The following EDAR variants were observed in gnomAD, a reference collection of about 807,000 sequenced individuals.
EDAR encodes ectodysplasin A receptor, also known as tumor necrosis factor receptor superfamily member EDAR.
EDAR carries 38 observed loss-of-function variants against 51.3 expected under a neutral mutation model. That is an observed-to-expected ratio of 0.74 (90% confidence interval 0.57 to 0.97). The LOEUF (loss-of-function observed/expected upper bound fraction) is 0.97, where lower values mean the gene tolerates loss of function less well. Among genes scored for constraint, EDAR ranks in the 50% least tolerant of loss-of-function variants. EDAR has a pLI of 0.00. For missense variants in EDAR, 528 were observed against 595.0 expected, an observed-to-expected ratio of 0.89 and a Z score of 1.17; for synonymous variants, 227 against 242.1, an observed-to-expected ratio of 0.94 and a Z score of 0.58.
intron 11 of EDAR, among the ~76,000 whole-genome samples, chr2:108,897,932 TGGTG>T (rs1175885622): frequency 2.0e-5 from 3 of 152,072 alleles, no homozygotes; most frequent in Non-Finnish European, 4.4e-5. Flanking sequence ...TACCTTAGGA[TGGTG>T]ATGGTGGTAA....
chr2:108,913,938 C>T (rs1281721325), intron 5 of EDAR, among the ~76,000 whole-genome samples: 16 of 95,132 alleles, frequency 1.7e-4, no homozygotes, highest in Non-Finnish European at 2.8e-4. Flanking sequence ...TGACACAGTG[C>T]GATTCCGTCT....
At chr2:108,910,140 T>A (rs1159435981) in intron 9 of EDAR, among the ~76,000 whole-genome samples, 2 of 152,174 alleles carry the variant, frequency 1.3e-5, no homozygotes, top group Non-Finnish European at 2.9e-5. Flanking sequence ...CAGGCATGCA[T>A]CCTTGGCTTT....
At chr2:108,923,319 G>A in intron 5 of EDAR, 49 bp downstream of exon 5, 1 of 1,564,332 alleles carries the variant, frequency 6.4e-7, no homozygotes, top group Non-Finnish European at 8.8e-7. Context: ...TAGTGAAAGG[G>A]ATCCGTGCTG....
Position 108,920,245 on chromosome 2 carries a change from G to A in EDAR, c.442+3123C>T, listed in dbSNP as rs147819552. On this transcript the variant is annotated intron_variant, in intron 5 of 11. Transcript: ENST00000258443. ...TAAGCACTCCACATGCATCGCCCAC[G>A]TCATCACATCTTTCCTCCCAACAAT... Among the ~76,000 whole-genome samples the A allele has an allele frequency of 3.7e-3, 566 of 152,312 alleles. 2 individuals are homozygous for A. The highest frequency in any genetic ancestry group is 6.8e-3 in the Middle Eastern group (2 of 294).
chr2:108,905,692 G>A (rs1028246925), intron 11 of EDAR, among the ~76,000 whole-genome samples: 10 of 152,172 alleles, frequency 6.6e-5, no homozygotes, highest in Admixed American at 2.0e-4. Context: ...TTATCTTTGG[G>A]GTTAATAAGA....
chr2:108,911,848 G>A (rs551000070), intron 6 of EDAR, among the ~76,000 whole-genome samples: 1 of 152,328 alleles, frequency 6.6e-6, no homozygotes, highest in African/African-American at 2.4e-5. Context: ...TGTGGGCGCT[G>A]AGCCTCCCCT....
At chr2:108,935,135 C>A (rs1412878412) in intron 1 of EDAR, among the ~76,000 whole-genome samples, 1 of 152,166 alleles carries the variant, frequency 6.6e-6, no homozygotes, top group African/African-American at 2.4e-5. Context: ...AAAAGGTCTG[C>A]CACTCCTGCC....
intron 1 of EDAR, among the ~76,000 whole-genome samples, chr2:108,951,450 G>A (rs1246318777): frequency 1.1e-4 from 16 of 152,298 alleles, no homozygotes; most frequent in South Asian, 6.2e-4. Flanking sequence ...GTACTAGCAC[G>A]TAGTGAACTC....
Position 108,910,866 on chromosome 2 carries a change from G to T in EDAR, c.656-16C>A, listed in dbSNP as rs775893324. Reference sequence around the variant, plus strand: ...GTGCAACAGGCTGGGGAGAGAGGAGGGAGTGAGCAGCCAGGCTCTCCGACA... The same window carrying T: ...GTGCAACAGGCTGGGGAGAGAGGAGTGAGTGAGCAGCCAGGCTCTCCGACA... On this transcript the variant is annotated splice_polypyrimidine_tract_variant and intron_variant, in intron 7 of 11. Transcript: ENST00000258443. The T allele has an allele frequency of 3.1e-6, 5 of 1,614,082 alleles. No individual in the cohort carries two copies. The highest frequency in any genetic ancestry group is 1.7e-5 in the Admixed American group (1 of 60,028).
chr2:108,899,114 T>G (rs540006760), intron 11 of EDAR, among the ~76,000 whole-genome samples: 43 of 152,342 alleles, frequency 2.8e-4, no homozygotes, highest in African/African-American at 9.6e-4. Flanking sequence ...TATATTCATG[T>G]CAAGATACAT....
At chr2:108,985,720 G>T (rs1251864852) in intron 1 of EDAR, among the ~76,000 whole-genome samples, 1 of 152,150 alleles carries the variant, frequency 6.6e-6, no homozygotes, top group Non-Finnish European at 1.5e-5. Context: ...AGGTGTCTCT[G>T]CCCCCAGAGA....
chr2:108,943,797 G>A (rs1558823862), intron 1 of EDAR, among the ~76,000 whole-genome samples: 4 of 152,234 alleles, frequency 2.6e-5, no homozygotes, highest in Non-Finnish European at 1.5e-5. Flanking sequence ...GTGTTGCTCC[G>A]CAGCACACCT....
intron 1 of EDAR, among the ~76,000 whole-genome samples, chr2:108,963,973 A>G (rs530835368): frequency 6.6e-6 from 1 of 152,296 alleles, no homozygotes; most frequent in South Asian, 2.1e-4. Flanking sequence ...TTCCTCAACC[A>G]TCAGCTGAGG....
intron 4 of EDAR, among the ~76,000 whole-genome samples, chr2:108,924,273 T>C (rs750307454): frequency 6.6e-6 from 1 of 152,248 alleles, no homozygotes; most frequent in Non-Finnish European, 1.5e-5. Context: ...GTCTGCCCTG[T>C]GGCTGTGCTC....
chr2:108,930,873 C>T, intron 2 of EDAR, 91 bp downstream of exon 2: 1 of 1,393,770 alleles, frequency 7.2e-7, no homozygotes, highest in Non-Finnish European at 1.0e-6. Context: ...CTATGATCAG[C>T]ATTCCCATTT....
At chr2:108,971,339 C>T (rs1227013516) in intron 1 of EDAR, among the ~76,000 whole-genome samples, 1 of 151,996 alleles carries the variant, frequency 6.6e-6, no homozygotes. Flanking sequence ...GTTAGAAATG[C>T]CAAATTTCAG....
At chr2:108,910,297 C>A in intron 9 of EDAR, among the ~76,000 whole-genome samples, 163 bp downstream of exon 9, 1 of 152,216 alleles carries the variant, frequency 6.6e-6, no homozygotes. Context: ...CACCACCTGA[C>A]CCCTGCCAGT....
In EDAR at chr2:108,897,234, A is replaced by G; in HGVS notation, c.1025-5T>C. 2 of 1,613,330 alleles carry G rather than the reference A, an allele frequency of 1.2e-6. No homozygotes were observed. Among genetic ancestry groups the G allele is most frequent in the Non-Finnish European group, 1.7e-6 (2 of 1,179,648 alleles). On this transcript the variant is annotated splice_region_variant and splice_polypyrimidine_tract_variant and intron_variant, in intron 11 of 11. Coordinates refer to ENST00000258443, the MANE Select transcript of EDAR (RefSeq NM_022336.4). ...GCAGCTCCGTGGGGCTAAGACCTAC[A>G]GACACCAATGGCCACAGTTAGATGT...
At position 108,923,387 on chromosome 2, in the gene EDAR, T is replaced by A. The variant is rs1170960657; in HGVS notation, c.423A>T (p.Ala141=). 19 of 1,613,914 alleles carry A rather than the reference T, an allele frequency of 1.2e-5. No homozygotes were observed. The highest frequency in any genetic ancestry group is 1.5e-5 in the Non-Finnish European group (18 of 1,180,006). The change falls in exon 5 of 12, where the codon GCA becomes GCT. Residue 141 remains alanine (A), a synonymous_variant. Transcript: ENST00000258443. ...YGMVCYSCLL[A]PPNTKECVGA... The stretch of plus-strand genomic sequence containing the variant: ...ACTCACATTCCTTGGTGTTGGGGGG[T>A]GCCAGGAGGCAGGAGTAGCAGACCA...
Sources: gnomAD v4.1 joint callset for allele counts (sites outside exome capture counted in the v4.1 genomes callset) on GRCh38, gnomAD v4.1.1 for gene constraint, MANE v1.5 for transcripts, NCBI Gene and HGNC (gene_info 2026-07-23, HGNC 2026-07-21) for gene names.